The following LAMA2 variants were observed in gnomAD, a reference collection of about 807,000 sequenced individuals.
The protein encoded by LAMA2 is laminin subunit alpha-2.
Under a neutral mutation model 364.8 loss-of-function variants are expected in LAMA2, and 269 were observed. The observed-to-expected ratio is 0.74, with a 90% CI of 0.67 to 0.82. The LOEUF (loss-of-function observed/expected upper bound fraction) is 0.82. Ranked by LOEUF, LAMA2 falls within the 40% of genes least tolerant of loss-of-function variation. The pLI, the probability that LAMA2 is intolerant of heterozygous loss-of-function variation, is 0.00. For missense variants in LAMA2, 3,807 were observed against 3,873.2 expected (o/e 0.98, Z 0.45); for synonymous variants, 1,379 against 1,370.6 (o/e 1.01, Z -0.14).
At chr6:129,142,905 T>C (rs1002775932) in intron 4 of LAMA2, among the ~76,000 whole-genome samples, 1 of 152,030 alleles carries the variant, frequency 6.6e-6, no homozygotes, top group African/African-American at 2.4e-5. Context: ...AATTTTCTTT[T>C]CTTTGAATAG....
intron 1 of LAMA2, 140 bp downstream of exon 1, chr6:128,883,497 TTGAAGCAAGTTCAAGTTCAA>T: frequency 7.2e-7 from 1 of 1,396,060 alleles, no homozygotes; most frequent in Non-Finnish European, 9.8e-7. Flanking sequence ...CAAGAGGAAC[TTGAAGCAAGTTCAAGTTCAA>T]TGCCATGAGA....
chr6:129,400,201 C>G (rs1001266429), intron 37 of LAMA2, among the ~76,000 whole-genome samples: 1 of 152,068 alleles, frequency 6.6e-6, no homozygotes, highest in Non-Finnish European at 1.5e-5. Context: ...GGCAGTAATC[C>G]CGTTTATGAA....
intron 47 of LAMA2, among the ~76,000 whole-genome samples, chr6:129,455,392 G>A (rs561309244): frequency 2.2e-4 from 33 of 152,110 alleles, no homozygotes; most frequent in Non-Finnish European, 3.8e-4. Flanking sequence ...GTACTTAACC[G>A]GGTTTAAGGA....
chr6:129,200,310 A>ACACG, intron 12 of LAMA2, among the ~76,000 whole-genome samples: 1 of 149,772 alleles, frequency 6.7e-6, no homozygotes, highest in South Asian at 2.1e-4. Context: ...ATGTGTGTAT[A>ACACG]TATATACGTG....
At chr6:129,195,133 G>A (rs1314487036) in intron 12 of LAMA2, among the ~76,000 whole-genome samples, 1 of 152,172 alleles carries the variant, frequency 6.6e-6, no homozygotes, top group Non-Finnish European at 1.5e-5. Flanking sequence ...AAAATTATGA[G>A]ATGCTATTAG....
chr6:129,512,359 A>G lies in LAMA2; in HGVS notation c.8858-4A>G, dbSNP rs2114930454. 6.2e-7 allele frequency: 1 copy of G among 1,613,284 alleles called. No individual in the cohort carries two copies. On this transcript the variant is annotated splice_region_variant and splice_polypyrimidine_tract_variant and intron_variant, in intron 62 of 64. Coordinates refer to ENST00000421865, the MANE Select transcript of LAMA2 (RefSeq NM_000426.4). ...CAAAATATTTTAAAATCTTCATTTT[A>G]CAGTTGGTGGATTCAAAGTGGGATT... is the stretch of plus-strand genomic sequence containing the variant.
intron 43 of LAMA2, among the ~76,000 whole-genome samples, chr6:129,441,330 A>T (rs1043578354): frequency 6.6e-6 from 1 of 152,348 alleles, no homozygotes; most frequent in Admixed American, 6.5e-5. Context: ...TTGGGTAATT[A>T]TATCCTCAGA....
intron 28 of LAMA2, among the ~76,000 whole-genome samples, chr6:129,325,330 C>T (rs1013670349): frequency 3.9e-5 from 6 of 152,068 alleles, no homozygotes; most frequent in Middle Eastern, 3.2e-3. Flanking sequence ...ATTTGCTTTT[C>T]TTTAATTCCC....
intron 3 of LAMA2, among the ~76,000 whole-genome samples, chr6:129,084,876 G>A (rs1238255378): frequency 6.6e-6 from 1 of 152,118 alleles, no homozygotes; most frequent in Non-Finnish European, 1.5e-5. Context: ...CTTCATTAAA[G>A]TATTTTTATG....
intron 40 of LAMA2, 21 bp downstream of exon 40, chr6:129,403,980 G>T (rs752827991): frequency 6.2e-7 from 1 of 1,613,348 alleles, no homozygotes; most frequent in Admixed American, 1.7e-5. Flanking sequence ...AATGGCACAT[G>T]TGCTGGGAAT....
chr6:128,943,765 G>A (rs1780325854), intron 1 of LAMA2, among the ~76,000 whole-genome samples: 1 of 152,190 alleles, frequency 6.6e-6, no homozygotes, highest in African/African-American at 2.4e-5. Flanking sequence ...CACAGATGAA[G>A]AAGACAAGAA....
intron 12 of LAMA2, among the ~76,000 whole-genome samples, chr6:129,194,073 G>A (rs533832853): frequency 1.3e-4 from 19 of 151,818 alleles, no homozygotes; most frequent in Non-Finnish European, 2.6e-4. Flanking sequence ...TATTTGCAAG[G>A]CCCTTTACAG....
rs141627516 is a variant in LAMA2 at position 129,110,074 on chromosome 6, G to A, written c.639+11659G>A. Among the ~76,000 whole-genome samples, 326 of 150,788 alleles carry A rather than the reference G, an allele frequency of 2.2e-3. 1 individual carries two copies. The highest frequency in any genetic ancestry group is 7.5e-3 in the African/African-American group (308 of 40,922). On this transcript the variant is annotated intron_variant, in intron 4 of 64. Coordinates refer to ENST00000421865, the MANE Select transcript of LAMA2 (RefSeq NM_000426.4). ...GCCATTGTTAATATTGTACAGATAGGCACACAAGCATTTAAATATGCTAGC... is the reference window on the plus strand; with the variant it reads ...GCCATTGTTAATATTGTACAGATAGACACACAAGCATTTAAATATGCTAGC...
intron 12 of LAMA2, among the ~76,000 whole-genome samples, chr6:129,248,067 A>G (rs1009004832): frequency 6.6e-6 from 1 of 152,156 alleles, no homozygotes; most frequent in African/African-American, 2.4e-5. Context: ...AGTGAGCATC[A>G]CTGCCTGAGC....
Position 129,475,381 on chromosome 6 carries a change from G to A in LAMA2, c.7440-9G>A, listed in dbSNP as rs369558532. On this transcript the variant is annotated splice_polypyrimidine_tract_variant and intron_variant, in intron 52 of 64. Transcript: ENST00000421865. ...TTTTGTTTTTTTTTTCCTCTTTCCC[G>A]TTATCTAGTATGAAAGCAAGGTAAA... 228 of 1,488,910 alleles carry A rather than the reference G, an allele frequency of 1.5e-4. No individual in the cohort carries two copies. In the African/African-American group the frequency reaches 1.8e-3, roughly 12 times the overall value. 92.2% of individuals were successfully genotyped at this position (1,488,910 alleles called of 1,614,324 possible).
At chr6:129,482,571 T>G (rs904953166) in intron 55 of LAMA2, among the ~76,000 whole-genome samples, 1 of 152,240 alleles carries the variant, frequency 6.6e-6, no homozygotes, top group Non-Finnish European at 1.5e-5. Flanking sequence ...CCAGATCATG[T>G]TATTTGTGAT....
intron 34 of LAMA2, among the ~76,000 whole-genome samples, chr6:129,377,717 T>C (rs1778454592): frequency 6.6e-6 from 1 of 152,246 alleles, no homozygotes; most frequent in South Asian, 2.1e-4. Context: ...AGCAATGTTA[T>C]CTATTCAGTA....
intron 1 of LAMA2, among the ~76,000 whole-genome samples, chr6:128,991,896 A>C (rs1305011138): frequency 6.6e-6 from 1 of 152,136 alleles, no homozygotes; most frequent in Non-Finnish European, 1.5e-5. Flanking sequence ...ACAGTCCAGC[A>C]ATTTTCTTTT....
chr6:129,461,145 A>G (rs950508126), intron 49 of LAMA2, among the ~76,000 whole-genome samples: 1 of 152,052 alleles, frequency 6.6e-6, no homozygotes, highest in Admixed American at 6.6e-5. Context: ...ACTATAAAAC[A>G]TACTTTAAAT....
Sources: gnomAD v4.1 joint callset for allele counts (sites outside exome capture counted in the v4.1 genomes callset) on GRCh38, gnomAD v4.1.1 for gene constraint, MANE v1.5 for transcripts, NCBI Gene and HGNC (gene_info 2026-07-23, HGNC 2026-07-21) for gene names.